WDR59: variants seen among roughly 807,000 people sequenced by gnomAD.
WDR59 encodes the protein GATOR2 complex protein WDR59.
WDR59 carries 100 observed loss-of-function variants against 131.2 expected under a neutral mutation model. That is an observed-to-expected ratio of 0.76 (90% CI 0.65 to 0.90). The LOEUF is 0.90. WDR59 is among the 40% of genes least tolerant of loss of function. The probability of loss-of-function intolerance (pLI) is 0.00; values close to 1 mark genes in which losing one functional copy is unlikely to be tolerated. For synonymous variants in WDR59, 601 were observed against 466.2 expected (o/e 1.29, Z -3.72); for missense variants, 1,203 against 1,262.2 (o/e 0.95, Z 0.71).
intron 25 of WDR59, among the ~76,000 whole-genome samples, chr16:74,875,788 T>C (rs1030305857): frequency 1.3e-5 from 2 of 152,150 alleles, no homozygotes; most frequent in Non-Finnish European, 2.9e-5. Flanking sequence ...GGATGACCCA[T>C]ATCACCTGCC....
At chr16:74,969,699 A>G (rs1348722963) in intron 1 of WDR59, among the ~76,000 whole-genome samples, 1 of 151,620 alleles carries the variant, frequency 6.6e-6, no homozygotes, top group African/African-American at 2.4e-5. Context: ...CCTCCCAAGT[A>G]CTGAGATTAC....
At chr16:74,978,721 C>T (rs1483758602) in intron 1 of WDR59, among the ~76,000 whole-genome samples, 2 of 152,010 alleles carry the variant, frequency 1.3e-5, no homozygotes, top group African/African-American at 4.8e-5. Context: ...ACCCAACAAA[C>T]TCTACAATTA....
intron 2 of WDR59, among the ~76,000 whole-genome samples, chr16:74,957,298 C>A (rs1221046979): frequency 6.6e-6 from 1 of 152,048 alleles, no homozygotes; most frequent in East Asian, 1.9e-4. Flanking sequence ...CCAGGCTGAT[C>A]TCGAACTGCT....
chr16:74,936,827 A>T (rs1267754480), intron 8 of WDR59, among the ~76,000 whole-genome samples: 8 of 152,092 alleles, frequency 5.3e-5, no homozygotes, highest in South Asian at 4.1e-4. Flanking sequence ...CCAGTCTCAA[A>T]AAATAAATAA....
chr16:74,965,842 G>A lies in WDR59; in HGVS notation c.55-20C>T. On this transcript the variant is annotated intron_variant, in intron 1 of 25. Transcript: ENST00000262144. The stretch of plus-strand genomic sequence containing the variant: ...AGTTGCCTGAGAGAGAGAACACAGA[G>A]TCAGTGCTGCCAGCAAACCCAGCCG... The A allele has an allele frequency of 1.2e-6, 2 of 1,614,070 alleles. No homozygotes were observed. The highest frequency in any genetic ancestry group is 1.1e-5 in the South Asian group (1 of 91,078).
chr16:74,879,504 G>C (rs1338466652), intron 25 of WDR59, among the ~76,000 whole-genome samples: 5 of 152,170 alleles, frequency 3.3e-5, no homozygotes, highest in Admixed American at 3.3e-4. Context: ...GAGAATCCAA[G>C]ACAATTAGAA....
At chr16:74,968,723 TCAAAA>T (rs746599660) in intron 1 of WDR59, among the ~76,000 whole-genome samples, 3 of 151,978 alleles carry the variant, frequency 2.0e-5, no homozygotes, top group South Asian at 2.1e-4. Context: ...AGACTCTGTC[TCAAAA>T]CAAAACAAAA....
At chr16:74,956,359 C>A in intron 3 of WDR59, 116 bp downstream of exon 3, 1 of 1,356,812 alleles carries the variant, frequency 7.4e-7, no homozygotes, top group Non-Finnish European at 9.8e-7. Flanking sequence ...ACCATCCAAA[C>A]CTCTTTTCCA....
intron 1 of WDR59, among the ~76,000 whole-genome samples, chr16:74,983,859 G>A (rs1345899395): frequency 1.4e-5 from 2 of 147,886 alleles, no homozygotes; most frequent in Non-Finnish European, 3.0e-5. Flanking sequence ...TGCGCCTGTA[G>A]TCTCAGCTAC....
At chr16:74,895,453 G>A (rs1357894953) in intron 18 of WDR59, among the ~76,000 whole-genome samples, 1 of 152,102 alleles carries the variant, frequency 6.6e-6, no homozygotes, top group Non-Finnish European at 1.5e-5. Context: ...AGTAGAGACA[G>A]GGTTTCACCA....
At chr16:74,902,061 C>T (rs1044359381) in intron 18 of WDR59, among the ~76,000 whole-genome samples, 1 of 152,080 alleles carries the variant, frequency 6.6e-6, no homozygotes. Flanking sequence ...AGCCAATAAT[C>T]CAAGGTTTCT....
rs369454202 is a variant in WDR59, at chr16:74,918,011, A to G, written c.887-3T>C. The stretch of plus-strand genomic sequence containing the variant: ...CACCAGTTGATAGTCCTTGGACCCT[A>G]GAAATCACCAAATAAGAATCCTGGA... On this transcript the variant is annotated splice_polypyrimidine_tract_variant and splice_region_variant and intron_variant, in intron 10 of 25. Transcript: ENST00000262144. 41 of 1,612,986 alleles carry G rather than the reference A, an allele frequency of 2.5e-5. No homozygotes were observed. The highest frequency in any genetic ancestry group is 3.4e-5 in the Non-Finnish European group (40 of 1,179,588).
At chr16:74,914,706 G>C (rs1385856431) in intron 13 of WDR59, among the ~76,000 whole-genome samples, 1 of 151,386 alleles carries the variant, frequency 6.6e-6, no homozygotes. Flanking sequence ...CGATTCTCCT[G>C]CCTCAGCCTC....
At chr16:74,944,990 G>A (rs942442368) in intron 6 of WDR59, among the ~76,000 whole-genome samples, 3 of 152,046 alleles carry the variant, frequency 2.0e-5, no homozygotes, top group Admixed American at 6.6e-5. Flanking sequence ...TGGGTGTGGT[G>A]GCCCATGCCT....
chr16:74,909,601 G>T lies in WDR59; in HGVS notation c.1542C>A (p.Pro514=). 5 of 1,609,146 alleles carry T rather than the reference G, an allele frequency of 3.1e-6. No homozygotes were observed. The highest frequency in any genetic ancestry group is 4.2e-6 in the Non-Finnish European group (5 of 1,178,140). ...NPFALPNSVT[P]PLPTFARVTT... ...TCACCCGCGCAAACGTCGGTAAGGG[G>T]GGAGTGACAGAGTTGGGGAGTGCAA... Residue 514 remains proline (P), a synonymous_variant, in exon 16 of 26, where the codon CCC becomes CCA. Coordinates refer to ENST00000262144, the MANE Select transcript of WDR59 (RefSeq NM_030581.4).
intron 3 of WDR59, among the ~76,000 whole-genome samples, chr16:74,953,531 T>G (rs966101128): frequency 2.7e-5 from 4 of 149,522 alleles, no homozygotes; most frequent in Admixed American, 2.7e-4. Flanking sequence ...ACAGATAAAC[T>G]TCATTAAAAT....
Position 74,904,009 on chromosome 16 carries a change from C to T in WDR59, c.1804G>A (p.Gly602Arg), listed in dbSNP as rs750736056. ...TCTTTCTCGCTGCGAGTGGGGCTCC[C>T]ACTGTATAAACGAAGGTTCCCAGGG... ...EAPGNLRLYS[G>R]SPTRSEKEQV... The change falls in exon 18 of 26, where the codon GGG becomes AGG. Residue 602 changes from glycine (G) to arginine (R), a missense_variant. By Grantham distance (125) the Gly-to-Arg change is moderately radical. Coordinates refer to ENST00000262144, the MANE Select transcript of WDR59 (RefSeq NM_030581.4). The T allele has an allele frequency of 1.2e-6, 2 of 1,612,026 alleles. No individual in the cohort carries two copies. Among genetic ancestry groups the T allele is most frequent in the Admixed American group, 1.7e-5 (1 of 59,798 alleles).
intron 19 of WDR59, among the ~76,000 whole-genome samples, chr16:74,893,067 C>G (rs536774222): frequency 6.6e-6 from 1 of 152,342 alleles, no homozygotes; most frequent in East Asian, 1.9e-4. Context: ...AAAAGTAGCC[C>G]TGCTTTGCAT....
chr16:74,920,952 C>T (rs191647465), intron 10 of WDR59, among the ~76,000 whole-genome samples: 2 of 152,182 alleles, frequency 1.3e-5, no homozygotes, highest in African/African-American at 4.8e-5. Context: ...CAGGTAGCTT[C>T]GGGGCTCTTG....
Sources: gnomAD v4.1 joint callset for allele counts (sites outside exome capture counted in the v4.1 genomes callset) on GRCh38, gnomAD v4.1.1 for gene constraint, MANE v1.5 for transcripts, NCBI Gene and HGNC (gene_info 2026-07-23, HGNC 2026-07-21) for gene names.